FHIT: variants seen among roughly 807,000 people sequenced by gnomAD.
FHIT encodes bis(5'-adenosyl)-triphosphatase.
FHIT carries 19 observed loss-of-function variants against 17.9 expected under a neutral mutation model. The ratio of observed to expected loss-of-function variants is 1.06; its 90% CI spans 0.74 to 1.56. FHIT has a LOEUF of 1.56. Ranked by LOEUF, FHIT falls within the 40% of genes most tolerant of loss-of-function variation. The probability of loss-of-function intolerance (pLI) is 0.00; values close to 1 mark genes in which losing one functional copy is unlikely to be tolerated. For synonymous variants in FHIT, 81 were observed against 69.7 expected, an observed-to-expected ratio of 1.16 and a Z score of -0.81; for missense variants, 248 against 189.2, an observed-to-expected ratio of 1.31 and a Z score of -1.82.
chr3:60,073,169 C>T (rs1231584681), intron 5 of FHIT, among the ~76,000 whole-genome samples: 1 of 152,124 alleles, frequency 6.6e-6, no homozygotes, highest in Non-Finnish European at 1.5e-5. Flanking sequence ...GCTAACCATA[C>T]AGGTAAATAT....
At position 60,577,112 on chromosome 3, in the gene FHIT, A is replaced by G. The variant is rs187469699; in HGVS notation, c.-17-40133T>C. Reference sequence around the variant, plus strand: ...AAAAAGGAGGACACTGATTAAAAATATAACACCCCTCATTGATCAACAGGT... The same window carrying G: ...AAAAAGGAGGACACTGATTAAAAATGTAACACCCCTCATTGATCAACAGGT... On this transcript the variant is annotated intron_variant, in intron 4 of 9. Transcript: ENST00000492590. Among the ~76,000 whole-genome samples the G allele has an allele frequency of 2.4e-3, 360 of 152,320 alleles. 2 individuals are homozygous for G. Among genetic ancestry groups the G allele is most frequent in the Non-Finnish European group, 4.0e-3 (272 of 68,022 alleles).
In FHIT at chr3:60,229,075, A is replaced by T. The variant is rs556405537; in HGVS notation, c.104-214923T>A. Among the ~76,000 whole-genome samples the T allele has an allele frequency of 5.3e-3, 802 of 152,292 alleles. 3 individuals are homozygous for T. Among genetic ancestry groups the T allele is most frequent in the Non-Finnish European group, 8.6e-3 (586 of 68,020 alleles). On this transcript the variant is annotated intron_variant, in intron 5 of 9. Coordinates refer to ENST00000492590, the MANE Select transcript of FHIT (RefSeq NM_002012.4). ...AACCCAGCATATGTACGAACTGCTT[A>T]CTGACTTCTTACTATGTTGCAGAAA...
chr3:61,191,869 T>C (rs1420739681), intron 2 of FHIT, among the ~76,000 whole-genome samples: 1 of 152,010 alleles, frequency 6.6e-6, no homozygotes, highest in Non-Finnish European at 1.5e-5. Context: ...AAGAACAAAG[T>C]TGGGAAGCAC....
chr3:60,469,524 G>C (rs769107551), intron 5 of FHIT, among the ~76,000 whole-genome samples: 10 of 152,056 alleles, frequency 6.6e-5, no homozygotes, highest in Admixed American at 2.0e-4. Context: ...CTCTTCATTA[G>C]ATTTGTCTAA....
At position 61,241,795 on chromosome 3, in the gene FHIT, T is replaced by C. The variant is rs576668008; in HGVS notation, c.-213+9506A>G. Among the ~76,000 whole-genome samples the C allele has an allele frequency of 3.3e-5, 5 of 152,358 alleles. No homozygotes were observed. The East Asian group carries it at 9.6e-4, about 29-fold the overall frequency. ...CTGAAAATGTGTATCTTTTGTGAAC[T>C]TCTCAAGCAGTTTCTCAATTTTCTC... On this transcript the variant is annotated intron_variant, in intron 1 of 9. Transcript: ENST00000492590.
intron 5 of FHIT, among the ~76,000 whole-genome samples, chr3:60,266,903 C>G (rs1706604376): frequency 1.3e-5 from 2 of 152,052 alleles, no homozygotes; most frequent in South Asian, 4.1e-4. Context: ...AATTAAAAAA[C>G]AAGAAAATTA....
chr3:60,959,458 T>G (rs1226134886), intron 3 of FHIT, among the ~76,000 whole-genome samples: 1 of 152,194 alleles, frequency 6.6e-6, no homozygotes, highest in Non-Finnish European at 1.5e-5. Flanking sequence ...CAAGCTGAGC[T>G]GGCAACTGGA....
intron 5 of FHIT, among the ~76,000 whole-genome samples, chr3:60,105,841 G>A (rs13099584): frequency 0.17 from 25,421 of 151,988 alleles, 2,668 homozygotes; most frequent in Non-Finnish European, 0.23. Flanking sequence ...AAAGAAAATG[G>A]GCAGGAAAAT....
chr3:60,427,762 T>C (rs1156932687), intron 5 of FHIT, among the ~76,000 whole-genome samples: 5 of 152,174 alleles, frequency 3.3e-5, no homozygotes, highest in African/African-American at 9.6e-5. Context: ...ATGTCCTATT[T>C]TTCCTACTGC....
At position 60,097,024 on chromosome 3, in the gene FHIT, T is replaced by TAAAAAA. The variant is rs71287192; in HGVS notation, c.104-82878_104-82873dup. ...AGTGAGACCCTATCTCTGTTATTAT[T>TAAAAAA]AAAAAAAAAAAAAAAAAGGAATAGA... On this transcript the variant is annotated intron_variant, in intron 5 of 9. Coordinates refer to ENST00000492590, the MANE Select transcript of FHIT (RefSeq NM_002012.4). 1.1e-3 allele frequency among the ~76,000 whole-genome samples: 143 copies of TAAAAAA among 127,214 alleles called. 4 individuals carry two copies. In the East Asian group the frequency reaches 0.02, roughly 18 times the overall value. 83.5% of individuals were successfully genotyped at this position (127,214 alleles called of 152,430 possible).
intron 5 of FHIT, among the ~76,000 whole-genome samples, chr3:60,443,685 T>C (rs1007731598): frequency 1.7e-4 from 26 of 152,264 alleles, no homozygotes; most frequent in Admixed American, 5.2e-4. Flanking sequence ...CAGTATTTTA[T>C]TGAGGATTTT....
chr3:59,769,939 G>T (rs1575465336), intron 8 of FHIT, among the ~76,000 whole-genome samples: 1 of 152,182 alleles, frequency 6.6e-6, no homozygotes, highest in African/African-American at 2.4e-5. Flanking sequence ...GACAGTAGAA[G>T]GAATTCTGAT....
At position 61,202,138 on chromosome 3, in the gene FHIT, G is replaced by A. The variant is rs577500560; in HGVS notation, c.-212-1473C>T. Reference sequence around the variant, plus strand: ...GCCAAGCCCAAAAGAAAGAGAAAAAGCCGTCTGGGAAGTGAGAAGCGCCTC... The same window carrying A: ...GCCAAGCCCAAAAGAAAGAGAAAAAACCGTCTGGGAAGTGAGAAGCGCCTC... On this transcript the variant is annotated intron_variant, in intron 1 of 9. Coordinates refer to ENST00000492590, the MANE Select transcript of FHIT (RefSeq NM_002012.4). Among the ~76,000 whole-genome samples the A allele has an allele frequency of 2.5e-4, 38 of 151,686 alleles. No individual in the cohort carries two copies. The South Asian group carries it at 7.5e-3, about 30-fold the overall frequency.
At chr3:60,376,100 G>A (rs1435939925) in intron 5 of FHIT, among the ~76,000 whole-genome samples, 3 of 152,162 alleles carry the variant, frequency 2.0e-5, no homozygotes, top group Middle Eastern at 3.4e-3. Context: ...TGTAGGACTT[G>A]GCATATTTGC....
At chr3:60,927,124 C>T (rs143448309) in intron 3 of FHIT, among the ~76,000 whole-genome samples, 14,243 of 152,232 alleles carry the variant, frequency 0.094, 847 homozygotes, top group Middle Eastern at 0.14. Context: ...CTCAGCCTGC[C>T]GAGTGCCTGG....
intron 3 of FHIT, among the ~76,000 whole-genome samples, chr3:61,041,412 G>A (rs1244416873): frequency 4.0e-5 from 6 of 151,056 alleles, no homozygotes; most frequent in Non-Finnish European, 5.9e-5. Flanking sequence ...CCGAGAATCC[G>A]CACCTCCTAA....
chr3:60,578,784 C>A (rs898359055), intron 4 of FHIT, among the ~76,000 whole-genome samples: 3 of 152,186 alleles, frequency 2.0e-5, no homozygotes, highest in Non-Finnish European at 2.9e-5. Context: ...ACCACCACAG[C>A]TAAAGAAAGC....
chr3:60,337,655 G>C (rs530107810), intron 5 of FHIT, among the ~76,000 whole-genome samples: 2 of 152,058 alleles, frequency 1.3e-5, no homozygotes, highest in Non-Finnish European at 2.9e-5. Flanking sequence ...GTGCTGTCTC[G>C]TACACCCCAC....
At chr3:60,457,067 T>G (rs2032144277) in intron 5 of FHIT, among the ~76,000 whole-genome samples, 1 of 152,118 alleles carries the variant, frequency 6.6e-6, no homozygotes, top group Non-Finnish European at 1.5e-5. Flanking sequence ...CTTCACAGAA[T>G]TGGAAAAAAC....
Sources: allele counts gnomAD v4.1 joint callset (sites outside exome capture counted in the v4.1 genomes callset), GRCh38; gene constraint gnomAD v4.1.1; transcripts MANE v1.5; gene names NCBI Gene and HGNC (gene_info 2026-07-23, HGNC 2026-07-21).